Variants in ATAD3A observed in about 807,000 individuals in gnomAD.
The protein encoded by ATAD3A is ATPase family AAA domain containing 3A, also known as ATPase family AAA domain-containing protein 3A.
ATAD3A carries 46 observed loss-of-function variants against 73.8 expected under a neutral mutation model. The observed-to-expected ratio is 0.62, with a 90% CI of 0.49 to 0.80. ATAD3A has a LOEUF of 0.80. ATAD3A is among the 30% of genes least tolerant of loss of function. The pLI is 0.00. For missense variants in ATAD3A, 705 were observed against 838.0 expected, an observed-to-expected ratio of 0.84 and a Z score of 1.96; for synonymous variants, 319 against 350.0, an observed-to-expected ratio of 0.91 and a Z score of 0.99.
intron 7 of ATAD3A, among the ~76,000 whole-genome samples, chr1:1,521,848 C>G (rs1036295738): frequency 2.6e-5 from 4 of 151,146 alleles, no homozygotes; most frequent in South Asian, 2.1e-4. Context: ...TACAGGCTCA[C>G]GTCACCACAC....
At chr1:1,522,996 T>A (rs1468795552) in intron 8 of ATAD3A, 97 bp downstream of exon 8, 11 of 1,524,418 alleles carry the variant, frequency 7.2e-6, no homozygotes, top group Non-Finnish European at 9.7e-6. Flanking sequence ...GTCCCTTCCC[T>A]TTCCCCGGAT....
At chr1:1,518,203 C>G (rs1371982793) in intron 4 of ATAD3A, among the ~76,000 whole-genome samples, 3 of 151,236 alleles carry the variant, frequency 2.0e-5, no homozygotes, top group African/African-American at 7.3e-5. Context: ...CACCTGTAAA[C>G]ACACCCCCAT....
chr1:1,532,110 G>A (rs1642052881), intron 15 of ATAD3A, among the ~76,000 whole-genome samples: 1 of 152,100 alleles, frequency 6.6e-6, no homozygotes, highest in South Asian at 2.1e-4. Context: ...ATTTTTGTAC[G>A]TTGAACTATC....
chr1:1,516,503 C>T (rs940470675), intron 2 of ATAD3A, among the ~76,000 whole-genome samples: 12 of 152,118 alleles, frequency 7.9e-5, no homozygotes, highest in African/African-American at 2.9e-4. Flanking sequence ...AACCTCCGCT[C>T]CTGGGTTCAA....
At chr1:1,528,078 G>A (rs1485272843) in intron 14 of ATAD3A, among the ~76,000 whole-genome samples, 1 of 151,212 alleles carries the variant, frequency 6.6e-6, no homozygotes, top group African/African-American at 2.4e-5. Context: ...TCTTGCCTCA[G>A]CCTCCTGAGT....
In ATAD3A at chr1:1,527,846, G is replaced by A; in HGVS notation, c.1489G>A (p.Ala497Thr). ...TTTTGACAAGTATGTTCTTAAGCCG[G>A]CCACAGAAGGAAAGCAGTAAGTGTC... The part of the protein sequence containing the change: ...MYFDKYVLKP[A>T]TEGKQRLKLA... The change falls in exon 14 of 16, where the codon GCC becomes ACC. Residue 497 changes from alanine (A) to threonine (T), a missense_variant. Coordinates refer to ENST00000378756, the MANE Select transcript of ATAD3A (RefSeq NM_001170535.3). The A allele has an allele frequency of 6.2e-7, 1 of 1,613,230 alleles. No homozygotes were observed. The highest frequency in any genetic ancestry group is 8.5e-7 in the Non-Finnish European group (1 of 1,179,626).
chr1:1,523,448 G>A lies in ATAD3A; in HGVS notation c.907-63G>A, dbSNP rs981841824. Reference sequence around the variant, plus strand: ...CGTGTTACCGAGCGTGTGTGTGCGCGTTGGTGGCTGTTCCGTGGCTGTGGC... The same window carrying A: ...CGTGTTACCGAGCGTGTGTGTGCGCATTGGTGGCTGTTCCGTGGCTGTGGC... On this transcript the variant is annotated intron_variant, in intron 8 of 15. Transcript: ENST00000378756. This position sits in a 1 kb window ranked among gnomAD's most constrained non-coding sequence, Gnocchi z 5.1. The A allele has an allele frequency of 1.4e-5, 22 of 1,586,418 alleles. No homozygotes were observed. The highest frequency in any genetic ancestry group is 9.3e-5 in the East Asian group (4 of 43,002).
rs1333586684 is a variant in ATAD3A, at chr1:1,534,153, G to T, written c.*81G>T. 16 of 1,605,404 alleles carry T rather than the reference G, an allele frequency of 1.0e-5. No individual in the cohort carries two copies. The Admixed American group carries it at 1.5e-4, about 15-fold the overall frequency. ...GCCTTGCCGGCCCCTGCACATTTAG[G>T]ATATGCTCCTGGGTGGGGACTGGGC... On this transcript the variant is annotated 3_prime_UTR_variant, in exon 16 of 16. Coordinates refer to ENST00000378756, the MANE Select transcript of ATAD3A (RefSeq NM_001170535.3).
At chr1:1,515,834 T>C (rs1432712912) in intron 1 of ATAD3A, among the ~76,000 whole-genome samples, 178 bp from the exon 2 acceptor site, 1 of 152,158 alleles carries the variant, frequency 6.6e-6, no homozygotes, top group Non-Finnish European at 1.5e-5. Context: ...GGCCGTGTGC[T>C]GGGGATGGTG....
chr1:1,523,414 CCGTT>C lies in ATAD3A; in HGVS notation c.907-96_907-93del. 1 of 1,537,292 alleles carries C rather than the reference CCGTT, an allele frequency of 6.5e-7. No homozygotes were observed. The highest frequency in any genetic ancestry group is 8.8e-7 in the Non-Finnish European group (1 of 1,136,068). On this transcript the variant is annotated intron_variant, in intron 8 of 15. Transcript: ENST00000378756. The surrounding 1 kb of genome is among the most constrained non-coding windows in gnomAD (Gnocchi z 5.1). ...GTCCTGGCTGTGCTTTGGGGCAGCT[CCGTT>C]TCTGCGTGTTACCGAGCGTGTGTGT...
intron 15 of ATAD3A, among the ~76,000 whole-genome samples, chr1:1,532,227 T>C (rs1343623000): frequency 3.3e-5 from 5 of 152,192 alleles, no homozygotes; most frequent in African/African-American, 9.6e-5. Flanking sequence ...CAACGATGCT[T>C]ATCAGGGATA....
At chr1:1,531,947 G>A (rs190417933) in intron 15 of ATAD3A, among the ~76,000 whole-genome samples, 10 of 151,902 alleles carry the variant, frequency 6.6e-5, no homozygotes, top group Admixed American at 2.6e-4. Flanking sequence ...CACCATGCAC[G>A]GCATCTTGAA....
intron 14 of ATAD3A, among the ~76,000 whole-genome samples, chr1:1,528,809 C>T (rs1641939437): frequency 6.6e-6 from 1 of 152,246 alleles, no homozygotes; most frequent in Admixed American, 6.5e-5. Flanking sequence ...GCTTTCCGGG[C>T]CTCAGTTTCC....
rs537492401 is a variant in ATAD3A at position 1,530,850 on chromosome 1, A to C, written c.1614+1519A>C. Among the ~76,000 whole-genome samples the C allele has an allele frequency of 6.1e-5, 6 of 98,632 alleles. 1 individual carries two copies. The highest frequency in any genetic ancestry group is 4.7e-4 in the African/African-American group (3 of 6,438). 64.7% of individuals were successfully genotyped at this position (98,632 alleles called of 152,430 possible). On this transcript the variant is annotated intron_variant, in intron 15 of 15. Coordinates refer to ENST00000378756, the MANE Select transcript of ATAD3A (RefSeq NM_001170535.3). The stretch of plus-strand genomic sequence containing the variant: ...TCTCAAAAAAAAAAAAAAAAAAAAA[A>C]AAAAACTAAGAATAATTTGGAACGA...
chr1:1,515,918 C>G, intron 1 of ATAD3A, 94 bp from the exon 2 acceptor site: 11 of 1,457,844 alleles, frequency 7.5e-6, no homozygotes, highest in Non-Finnish European at 7.5e-6. Context: ...GAGGCGTGGC[C>G]GTGGATTCCA....
chr1:1,519,909 C>A (rs1641519684), intron 5 of ATAD3A, among the ~76,000 whole-genome samples: 1 of 152,246 alleles, frequency 6.6e-6, no homozygotes, highest in South Asian at 2.1e-4. Flanking sequence ...CTGTCCGTGG[C>A]CTTAGCCTAT....
At chr1:1,526,202 G>C (rs1255215446) in intron 12 of ATAD3A, among the ~76,000 whole-genome samples, 1 of 151,936 alleles carries the variant, frequency 6.6e-6, no homozygotes, top group East Asian at 1.9e-4. Flanking sequence ...TGTATTTTTA[G>C]TAGAGACGGG....
At chr1:1,513,477 C>CCG (rs1452041076) in intron 1 of ATAD3A, among the ~76,000 whole-genome samples, 2 of 151,184 alleles carry the variant, frequency 1.3e-5, no homozygotes, top group Non-Finnish European at 3.0e-5. Context: ...AGCTCCTGAC[C>CCG]CGCAGTCCGC....
At chr1:1,521,298 C>CA (rs1001385922) in intron 7 of ATAD3A, among the ~76,000 whole-genome samples, 7,021 of 24,992 alleles carry the variant, frequency 0.28, 1,631 homozygotes, top group Non-Finnish European at 0.36. Flanking sequence ...GGCTTCTTCT[C>CA]AAAAAAAAAA....
Sources: allele counts gnomAD v4.1 joint callset (sites outside exome capture counted in the v4.1 genomes callset), GRCh38; gene constraint gnomAD v4.1.1; non-coding constraint Gnocchi (gnomAD v3.1); transcripts MANE v1.5; gene names NCBI Gene and HGNC (gene_info 2026-07-23, HGNC 2026-07-21).